Variants in TAOK3 observed in about 807,000 individuals in gnomAD.
TAOK3 encodes serine/threonine-protein kinase TAO3.
TAOK3 carries 40 observed loss-of-function variants against 120.4 expected under a neutral mutation model. That is an observed-to-expected ratio of 0.33 (90% confidence interval 0.26 to 0.43). The LOEUF (loss-of-function observed/expected upper bound fraction) is 0.43. TAOK3 is among the 20% of genes least tolerant of loss of function. The probability of loss-of-function intolerance (pLI) is 1.00; values close to 1 mark genes in which losing one functional copy is unlikely to be tolerated. For synonymous variants in TAOK3, 355 were observed against 387.5 expected (o/e 0.92, Z 0.99); for missense variants, 821 against 1,112.1 (o/e 0.74, Z 3.72).
intron 14 of TAOK3, among the ~76,000 whole-genome samples, chr12:118,183,873 G>A (rs1196045280): frequency 1.3e-5 from 2 of 152,182 alleles, no homozygotes; most frequent in African/African-American, 4.8e-5. Flanking sequence ...TTTAAAACTT[G>A]GCATAAGCAT....
chr12:118,266,746 A>G lies in TAOK3; in HGVS notation c.-180T>C. ...CTCTTTTATAACTTCAGTCCTTTGT[A>G]TTTATGATGCAACCTATAGAAAAAG... On this transcript the variant is annotated 5_prime_UTR_variant, in exon 2 of 21. Transcript: ENST00000392533. 1 of 397,608 alleles carries G rather than the reference A, an allele frequency of 2.5e-6. No individual in the cohort carries two copies. Among genetic ancestry groups the G allele is most frequent in the Non-Finnish European group, 4.4e-6 (1 of 225,502 alleles). The allele number at this position is 397,608 out of a possible 1,614,324, so 24.6% of individuals were successfully genotyped here. A position where few individuals can be genotyped will look rare whatever the true frequency, so the allele number is the denominator to read the frequency against.
At chr12:118,345,941 C>T (rs188548594) in intron 1 of TAOK3, among the ~76,000 whole-genome samples, 69 of 152,068 alleles carry the variant, frequency 4.5e-4, no homozygotes, top group Non-Finnish European at 8.2e-4. Flanking sequence ...AATATTGATA[C>T]GGTAATGATA....
At chr12:118,197,625 C>T (rs936532668) in intron 13 of TAOK3, among the ~76,000 whole-genome samples, 1 of 151,900 alleles carries the variant, frequency 6.6e-6, no homozygotes, top group African/African-American at 2.4e-5. Flanking sequence ...AAGGAAAGTG[C>T]CAGACCTGTC....
intron 4 of TAOK3, among the ~76,000 whole-genome samples, chr12:118,244,432 T>C (rs1355918096): frequency 6.6e-6 from 1 of 151,630 alleles, no homozygotes; most frequent in Admixed American, 6.6e-5. Flanking sequence ...CACATTTGTA[T>C]GAAAAACTTC....
chr12:118,234,104 T>C (rs748554729), intron 8 of TAOK3, among the ~76,000 whole-genome samples: 16 of 151,392 alleles, frequency 1.1e-4, no homozygotes, highest in Non-Finnish European at 2.1e-4. Context: ...AAAGGATGAA[T>C]ATACATAAAG....
In TAOK3 at chr12:118,235,676, AG is replaced by A; in HGVS notation, c.438-6del. ...ATATTTCCTGCTTTAATATCCCTATAGGAAAAAAAAAAAGGGTTAGAAAATT... is the reference window on the plus strand; with the variant it reads ...ATATTTCCTGCTTTAATATCCCTATAGAAAAAAAAAAAGGGTTAGAAAATT... On this transcript the variant is annotated splice_polypyrimidine_tract_variant and splice_region_variant and intron_variant, in intron 7 of 20. Transcript: ENST00000392533. 6.5e-7 allele frequency: 1 copy of A among 1,528,412 alleles called. No individual in the cohort carries two copies. The highest frequency in any genetic ancestry group is 8.9e-7 in the Non-Finnish European group (1 of 1,120,326). The allele number at this position is 1,528,412 out of a possible 1,614,324, so 94.7% of individuals were successfully genotyped here. A position where few individuals can be genotyped will look rare whatever the true frequency, so the allele number is the denominator to read the frequency against.
At chr12:118,177,586 G>A (rs2036425475) in intron 15 of TAOK3, among the ~76,000 whole-genome samples, 3 of 151,972 alleles carry the variant, frequency 2.0e-5, no homozygotes, top group African/African-American at 4.8e-5. Context: ...CACTTTGGGA[G>A]TTCGAGGCAG....
intron 1 of TAOK3, among the ~76,000 whole-genome samples, chr12:118,343,868 C>T (rs1266958798): frequency 2.6e-5 from 4 of 151,706 alleles, no homozygotes; most frequent in Middle Eastern, 3.2e-3. Context: ...AAAAATTAGC[C>T]GGGCATGGTG....
chr12:118,330,438 T>C (rs2044094553), intron 1 of TAOK3, among the ~76,000 whole-genome samples: 1 of 152,180 alleles, frequency 6.6e-6, no homozygotes, highest in African/African-American at 2.4e-5. Flanking sequence ...TTGTATATTT[T>C]TAGATAGTGT....
chr12:118,160,100 G>T lies in TAOK3; in HGVS notation c.2352+46C>A. The T allele has an allele frequency of 1.4e-6, 2 of 1,453,308 alleles. No individual in the cohort carries two copies. The highest frequency in any genetic ancestry group is 1.2e-5 in the South Asian group (1 of 86,816). 90.0% of individuals were successfully genotyped at this position (1,453,308 alleles called of 1,614,324 possible). A position where few individuals can be genotyped will look rare whatever the true frequency, so the allele number is the denominator to read the frequency against. On this transcript the variant is annotated intron_variant, in intron 19 of 20. Transcript: ENST00000392533. The surrounding 1 kb of genome is among the most constrained non-coding windows in gnomAD (Gnocchi z 4.2). The stretch of plus-strand genomic sequence containing the variant: ...AACAGGCTGGATCTTGGATTTTCTT[G>T]ATTCCCAAAGCTCTCGAAGCCGTGG...
rs1054458195 is a variant in TAOK3, at chr12:118,150,733, A to G, written c.*264T>C. 3.1e-6 allele frequency: 1 copy of G among 322,108 alleles called. No individual in the cohort carries two copies. Among genetic ancestry groups the G allele is most frequent in the Non-Finnish European group, 5.6e-6 (1 of 177,650 alleles). The allele number at this position is 322,108 out of a possible 1,614,324, so 20.0% of individuals were successfully genotyped here. Reference sequence around the variant, plus strand: ...CAAAGTTTTCACTGAAACATTTTGAATCACATCAATACTGTGACGTGTACT... The same window carrying G: ...CAAAGTTTTCACTGAAACATTTTGAGTCACATCAATACTGTGACGTGTACT... On this transcript the variant is annotated 3_prime_UTR_variant, in exon 21 of 21. Coordinates refer to ENST00000392533, the MANE Select transcript of TAOK3 (RefSeq NM_016281.4).
intron 1 of TAOK3, among the ~76,000 whole-genome samples, chr12:118,292,581 A>G (rs1434474773): frequency 1.3e-5 from 2 of 152,206 alleles, no homozygotes; most frequent in East Asian, 1.9e-4. Context: ...CTGAGGCCCA[A>G]CTTCACAGAA....
At chr12:118,242,314 C>A (rs2040289485) in intron 5 of TAOK3, among the ~76,000 whole-genome samples, 1 of 152,110 alleles carries the variant, frequency 6.6e-6, no homozygotes, top group Non-Finnish European at 1.5e-5. Context: ...GAAGCAATAG[C>A]TCTACATAAA....
intron 5 of TAOK3, among the ~76,000 whole-genome samples, chr12:118,240,830 C>G (rs912827142): frequency 4.0e-5 from 6 of 151,892 alleles, no homozygotes; most frequent in Non-Finnish European, 8.8e-5. Context: ...CTAGACATAA[C>G]CAATATCAAC....
intron 2 of TAOK3, among the ~76,000 whole-genome samples, chr12:118,263,851 AG>A (rs1420070188): frequency 6.6e-5 from 10 of 152,196 alleles, no homozygotes; most frequent in Admixed American, 6.5e-5. Flanking sequence ...GGATCACCTG[AG>A]GTCAGGAGTT....
rs534185899 is a variant in TAOK3, at chr12:118,214,377, C to T, written c.644-267G>A. On this transcript the variant is annotated intron_variant, in intron 9 of 20. Coordinates refer to ENST00000392533, the MANE Select transcript of TAOK3 (RefSeq NM_016281.4). ...AAGTTTTTTTCTTTTTTTCACATAG[C>T]TTCAAAAAATTGGCTTTTGCATATT... Among the ~76,000 whole-genome samples, 16 of 152,114 alleles carry T rather than the reference C, an allele frequency of 1.1e-4. No individual in the cohort carries two copies. In the South Asian group the frequency reaches 2.7e-3, roughly 26 times the overall value.
intron 13 of TAOK3, among the ~76,000 whole-genome samples, chr12:118,191,890 A>T (rs1352509102): frequency 6.6e-6 from 1 of 152,224 alleles, no homozygotes. Context: ...ATTTTATAGG[A>T]GGCTTTAACA....
intron 2 of TAOK3, chr12:118,255,972 T>A (rs1304432952): frequency 6.6e-6 from 1 of 152,556 alleles, no homozygotes; most frequent in Non-Finnish European, 1.5e-5. Context: ...TAATCCCAGC[T>A]ACTAGGGAGG....
At chr12:118,247,089 G>C (rs1281169869) in intron 3 of TAOK3, 3 of 521,778 alleles carry the variant, frequency 5.7e-6, no homozygotes, top group Non-Finnish European at 1.0e-5. Context: ...TTTCTTTGAT[G>C]ATGGGACAGT....
Sources: gnomAD v4.1 joint callset for allele counts (sites outside exome capture counted in the v4.1 genomes callset) on GRCh38, gnomAD v4.1.1 for gene constraint, Gnocchi (gnomAD v3.1) non-coding constraint, MANE v1.5 for transcripts, NCBI Gene and HGNC (gene_info 2026-07-23, HGNC 2026-07-21) for gene names.